The following NASP variants were observed in gnomAD, a reference collection of about 807,000 sequenced individuals.
NASP encodes NASP histone chaperone.
Under a neutral mutation model 89.5 loss-of-function variants are expected in NASP, and 24 were observed. The ratio of observed to expected loss-of-function variants is 0.27; its 90% CI spans 0.19 to 0.38. NASP has a LOEUF of 0.38. NASP is among the 10% of genes least tolerant of loss of function. The pLI is 1.00. For synonymous variants in NASP, 306 were observed against 324.7 expected (o/e 0.94, Z 0.62); for missense variants, 848 against 921.4 (o/e 0.92, Z 1.03).
chr1:45,601,134 A>G (rs1368753661), intron 2 of NASP, among the ~76,000 whole-genome samples: 1 of 152,144 alleles, frequency 6.6e-6, no homozygotes, highest in Non-Finnish European at 1.5e-5. Flanking sequence ...TTTTTATAAC[A>G]GTGTCTTTCA....
At chr1:45,591,164 T>A in intron 1 of NASP, 59 bp from the exon 2 acceptor site, 1 of 1,019,442 alleles carries the variant, frequency 9.8e-7, no homozygotes, top group Non-Finnish European at 1.4e-6. Flanking sequence ...TTATTTTATT[T>A]TCAGGCTTAA....
intron 2 of NASP, among the ~76,000 whole-genome samples, chr1:45,598,848 G>T (rs1643762414): frequency 6.6e-6 from 1 of 151,954 alleles, no homozygotes; most frequent in South Asian, 2.1e-4. Context: ...CTGTAAAGTG[G>T]GGGTAATAAT....
At chr1:45,588,880 G>A (rs185754817) in intron 1 of NASP, 6 of 233,968 alleles carry the variant, frequency 2.6e-5, no homozygotes, top group African/African-American at 1.4e-4. Context: ...TCGAGATCGC[G>A]CCACTGCACT....
chr1:45,606,389 T>C, intron 4 of NASP, 93 bp from the exon 5 acceptor site: 2 of 821,512 alleles, frequency 2.4e-6, no homozygotes, highest in South Asian at 1.6e-5. Context: ...CTTACACTTC[T>C]TGCTTTTATA....
chr1:45,587,955 A>G (rs1475453663), intron 1 of NASP, among the ~76,000 whole-genome samples: 1 of 151,760 alleles, frequency 6.6e-6, no homozygotes, highest in Non-Finnish European at 1.5e-5. Flanking sequence ...CTCAAAAAAA[A>G]AAGGGCCAGG....
At chr1:45,584,650 C>G (rs1301632043) in intron 1 of NASP, among the ~76,000 whole-genome samples, 2 of 119,348 alleles carry the variant, frequency 1.7e-5, no homozygotes, top group Non-Finnish European at 3.3e-5. Context: ...AAACCTTGCA[C>G]GAGGAAGGAG....
intron 1 of NASP, among the ~76,000 whole-genome samples, chr1:45,589,757 C>G (rs1325858614): frequency 1.3e-5 from 2 of 151,896 alleles, no homozygotes; most frequent in African/African-American, 4.8e-5. Context: ...AAAAATTAGC[C>G]AGGCGTGGTG....
intron 6 of NASP, chr1:45,609,197 G>A (rs1446947893): frequency 2.0e-5 from 3 of 152,184 alleles, no homozygotes; most frequent in African/African-American, 7.2e-5. Flanking sequence ...GGATTCTACT[G>A]TATATAAGTT....
chr1:45,606,577 A>G lies in NASP; in HGVS notation c.395A>G (p.Asn132Ser). 6.3e-7 allele frequency: 1 copy of G among 1,598,176 alleles called. No homozygotes were observed. Among genetic ancestry groups the G allele is most frequent in the Middle Eastern group, 1.7e-4 (1 of 6,014 alleles). Residue 132 changes from asparagine to serine, a missense_variant, in exon 5 of 15, where the codon AAT becomes AGT. This residue lies in a region of NASP where 464 missense variants were observed against 469.4 expected (regional missense o/e 0.99). Transcript: ENST00000350030. ...KTEDESLVEN[N>S]DNIDEEAREE... ...GAAGATGAATCTCTGGTAGAAAATA[A>G]TGATAACATAGATGGTATGTGGAGT...
intron 11 of NASP, 23 bp downstream of exon 11, chr1:45,615,494 T>TA (rs1436030302): frequency 1.9e-6 from 3 of 1,594,664 alleles, no homozygotes; most frequent in Non-Finnish European, 2.6e-6. Flanking sequence ...AACATTTTGA[T>TA]AATAGCATGT....
chr1:45,587,963 A>G (rs1438648327), intron 1 of NASP, among the ~76,000 whole-genome samples: 2 of 150,592 alleles, frequency 1.3e-5, no homozygotes, highest in Admixed American at 1.3e-4. Context: ...AAAAAGGGCC[A>G]GGTGGTGTGG....
intron 6 of NASP, among the ~76,000 whole-genome samples, chr1:45,608,889 T>G (rs1253429328): frequency 1.3e-5 from 2 of 152,156 alleles, no homozygotes; most frequent in Non-Finnish European, 2.9e-5. Flanking sequence ...AGTTAAAGAA[T>G]TCTGGTGCCC....
In NASP at chr1:45,618,195, T is replaced by C; in HGVS notation, c.*54T>C. The C allele has an allele frequency of 7.0e-7, 1 of 1,419,392 alleles. No individual in the cohort carries two copies. The highest frequency in any genetic ancestry group is 1.3e-5 in the South Asian group (1 of 79,950). The allele number at this position is 1,419,392 out of a possible 1,614,324, so 87.9% of individuals were successfully genotyped here. On this transcript the variant is annotated 3_prime_UTR_variant, in exon 15 of 15. Coordinates refer to ENST00000350030, the MANE Select transcript of NASP (RefSeq NM_002482.4). ...AAGTGTTTTTGTATATAATGTATTT[T>C]TTCACTTTTGGAGGATTCTTTTTGT...
chr1:45,584,371 T>G (rs907564969), intron 1 of NASP, among the ~76,000 whole-genome samples, 166 bp downstream of exon 1: 3 of 152,202 alleles, frequency 2.0e-5, no homozygotes, highest in African/African-American at 7.2e-5. Context: ...CTTCTTTTGC[T>G]GAGAGCCTCG....
rs774670119 is a variant in NASP, at chr1:45,607,516, C to T, written c.605C>T (p.Thr202Ile). The T allele has an allele frequency of 6.2e-7, 1 of 1,614,010 alleles. No homozygotes were observed. Among genetic ancestry groups the T allele is most frequent in the South Asian group, 1.1e-5 (1 of 91,080 alleles). The change falls in exon 6 of 15, where the codon ACT becomes ATT. Residue 202 changes from threonine to isoleucine, a missense_variant. Thr to Ile is a moderately conservative substitution (Grantham distance 89). Coordinates refer to ENST00000350030, the MANE Select transcript of NASP (RefSeq NM_002482.4). ...GAGCCACAGGAAAAAGTTGACTTGA[C>T]TCTAGATTGGTTAACTGAAACCTCT... ...AEEPQEKVDLTLDWLTETSEE... is the reference protein window; with the variant it reads ...AEEPQEKVDLILDWLTETSEE...
chr1:45,584,322 G>C, intron 1 of NASP, 117 bp downstream of exon 1: 1 of 864,278 alleles, frequency 1.2e-6, no homozygotes, highest in Non-Finnish European at 1.7e-6. Context: ...CCCAAGAGCA[G>C]CTGTCGCTGT....
At chr1:45,611,390 TGAG>T (rs1226917705) in intron 6 of NASP, 1 of 151,870 alleles carries the variant, frequency 6.6e-6, no homozygotes, top group East Asian at 1.9e-4. Context: ...TGGTTCCTCT[TGAG>T]GAATCTGTAC....
chr1:45,607,942 C>T lies in NASP; in HGVS notation c.1031C>T (p.Ser344Leu). Reference sequence around the variant, plus strand: ...CAAGAAGTACCACCTGCTGAAGAGTCACCAGAGGTGACAACAGAGGCTGCA... The same window carrying T: ...CAAGAAGTACCACCTGCTGAAGAGTTACCAGAGGTGACAACAGAGGCTGCA... ...VGQEVPPAEE[S>L]PEVTTEAAEA... Residue 344 changes from serine to leucine, a missense_variant, in exon 6 of 15, where the codon TCA becomes TTA. Physicochemically the swap from Ser to Leu is moderately radical, Grantham distance 145 (BLOSUM62 -2). Transcript: ENST00000350030. 1 of 1,614,094 alleles carries T rather than the reference C, an allele frequency of 6.2e-7. No individual in the cohort carries two copies. The highest frequency in any genetic ancestry group is 8.5e-7 in the Non-Finnish European group (1 of 1,180,020).
rs118098770 is a variant in NASP at position 45,592,291 on chromosome 1, T to A, written c.107+1021T>A. On this transcript the variant is annotated intron_variant, in intron 2 of 14. Coordinates refer to ENST00000350030, the MANE Select transcript of NASP (RefSeq NM_002482.4). ...TGAGCCACTGTGCCCACCCGAATTA[T>A]ATTTTTCGAAGCGGAGTCTTGCTTT... is the stretch of plus-strand genomic sequence containing the variant. Among the ~76,000 whole-genome samples, 457 of 151,974 alleles carry A rather than the reference T, an allele frequency of 3.0e-3. 4 individuals carry two copies. The highest frequency in any genetic ancestry group is 0.022 in the East Asian group (113 of 5,098).
Sources: gnomAD v4.1 joint callset for allele counts (sites outside exome capture counted in the v4.1 genomes callset) on GRCh38, gnomAD v4.1.1 for gene constraint, gnomAD v4.1.1 regional missense constraint, MANE v1.5 for transcripts, NCBI Gene and HGNC (gene_info 2026-07-23, HGNC 2026-07-21) for gene names.